The following NRXN3 variants were observed in gnomAD, a reference collection of about 807,000 sequenced individuals.
NRXN3 encodes the protein neurexin 3.
A neutral mutation model predicts 137.6 loss-of-function variants in NRXN3; 32 were observed. The observed-to-expected ratio is 0.23, with a 90% confidence interval of 0.18 to 0.31. NRXN3 has a LOEUF of 0.31. Among genes scored for constraint, NRXN3 ranks in the 10% least tolerant of loss-of-function variants. NRXN3 has a pLI of 1.00. For synonymous variants in NRXN3, 798 were observed against 784.5 expected, an observed-to-expected ratio of 1.02 and a Z score of -0.29; for missense variants, 1,574 against 2,062.5, an observed-to-expected ratio of 0.76 and a Z score of 4.59.
intron 15 of NRXN3, among the ~76,000 whole-genome samples, chr14:79,223,119 G>T (rs2153233754): frequency 6.6e-6 from 1 of 152,124 alleles, no homozygotes; most frequent in African/African-American, 2.4e-5. Context: ...GACCTGCACT[G>T]ACTTCCTCTT....
chr14:78,397,249 C>G (rs148203037), intron 4 of NRXN3, among the ~76,000 whole-genome samples: 3 of 152,254 alleles, frequency 2.0e-5, no homozygotes, highest in Non-Finnish European at 2.9e-5. Flanking sequence ...TCTTTAAGTA[C>G]TTTTCAGCCA....
intron 15 of NRXN3, among the ~76,000 whole-genome samples, chr14:79,342,213 G>A (rs2092643788): frequency 6.6e-6 from 1 of 152,096 alleles, no homozygotes; most frequent in Admixed American, 6.6e-5. Flanking sequence ...TTATTCTATG[G>A]TGCAGAGAGA....
At chr14:78,400,503 C>T (rs188277136) in intron 4 of NRXN3, among the ~76,000 whole-genome samples, 11 of 152,110 alleles carry the variant, frequency 7.2e-5, no homozygotes, top group African/African-American at 2.4e-4. Context: ...CATCGGATTG[C>T]GGATATTTCT....
chr14:78,366,146 A>T (rs1420821985), intron 4 of NRXN3, among the ~76,000 whole-genome samples: 1 of 152,200 alleles, frequency 6.6e-6, no homozygotes, highest in East Asian at 1.9e-4. Context: ...AAGAGATTAA[A>T]CATAAAGTAC....
intron 10 of NRXN3, among the ~76,000 whole-genome samples, chr14:78,871,874 A>G (rs1037502803): frequency 1.3e-5 from 2 of 152,126 alleles, no homozygotes; most frequent in Admixed American, 6.6e-5. Flanking sequence ...GTTATATATT[A>G]CTGGGTTTTG....
At chr14:79,292,149 G>A (rs1246561199) in intron 15 of NRXN3, among the ~76,000 whole-genome samples, 1 of 152,144 alleles carries the variant, frequency 6.6e-6, no homozygotes, top group Non-Finnish European at 1.5e-5. Context: ...CCCGGATACT[G>A]AAAGCAACTA....
intron 4 of NRXN3, among the ~76,000 whole-genome samples, chr14:78,484,046 A>AGC (rs1440750165): frequency 1.3e-5 from 2 of 151,170 alleles, no homozygotes; most frequent in African/African-American, 4.9e-5. Flanking sequence ...AGAGAGAGAG[A>AGC]GAGCAAAAAA....
intron 16 of NRXN3, among the ~76,000 whole-genome samples, chr14:79,620,611 A>C (rs186707365): frequency 6.6e-6 from 1 of 152,150 alleles, no homozygotes; most frequent in African/African-American, 2.4e-5. Context: ...TTATGCCTGA[A>C]TGAATGGAAA....
chr14:78,332,131 C>A (rs1225446427), intron 4 of NRXN3, among the ~76,000 whole-genome samples: 1 of 151,992 alleles, frequency 6.6e-6, no homozygotes, highest in Non-Finnish European at 1.5e-5. Flanking sequence ...ATAATGAAGA[C>A]CTCATCATGG....
At chr14:78,601,773 C>G (rs1006822271) in intron 4 of NRXN3, among the ~76,000 whole-genome samples, 1 of 152,096 alleles carries the variant, frequency 6.6e-6, no homozygotes, top group Non-Finnish European at 1.5e-5. Context: ...TGAAAATGAA[C>G]TCTTTTTGGC....
At chr14:79,561,601 T>C (rs561792190) in intron 16 of NRXN3, among the ~76,000 whole-genome samples, 1 of 152,290 alleles carries the variant, frequency 6.6e-6, no homozygotes, top group East Asian at 1.9e-4. Context: ...ATTACTGTTA[T>C]TTTGCTAGTA....
At chr14:79,381,253 A>G (rs1468307456) in intron 15 of NRXN3, among the ~76,000 whole-genome samples, 1 of 151,584 alleles carries the variant, frequency 6.6e-6, no homozygotes, top group Non-Finnish European at 1.5e-5. Context: ...AGAATTCTTA[A>G]TATGATATGG....
At chr14:78,938,912 T>C (rs907866773) in intron 10 of NRXN3, among the ~76,000 whole-genome samples, 5 of 149,616 alleles carry the variant, frequency 3.3e-5, no homozygotes, top group Admixed American at 1.3e-4. Flanking sequence ...TGGCGCAATC[T>C]CGGCTCACTG....
chr14:79,769,758 C>T (rs4603485), intron 19 of NRXN3, among the ~76,000 whole-genome samples: 9 of 151,848 alleles, frequency 5.9e-5, no homozygotes, highest in Non-Finnish European at 1.2e-4. Flanking sequence ...GACAGGATCA[C>T]ATTCACACAT....
At chr14:79,760,405 G>A (rs2099034273) in intron 19 of NRXN3, among the ~76,000 whole-genome samples, 1 of 148,720 alleles carries the variant, frequency 6.7e-6, no homozygotes, top group Non-Finnish European at 1.5e-5. Flanking sequence ...TAGAGTGTAA[G>A]TAGGGATAAC....
At chr14:79,152,392 A>G (rs1007398518) in intron 15 of NRXN3, among the ~76,000 whole-genome samples, 6 of 152,024 alleles carry the variant, frequency 3.9e-5, no homozygotes, top group Non-Finnish European at 8.8e-5. Flanking sequence ...ATTGGCTTGG[A>G]GTTACTGGCA....
At chr14:78,953,520 AT>A (rs2099390931) in intron 10 of NRXN3, among the ~76,000 whole-genome samples, 2 of 152,340 alleles carry the variant, frequency 1.3e-5, no homozygotes, top group East Asian at 3.9e-4. Context: ...TTGTGTGAGC[AT>A]TTGGGTGGTA....
At position 78,194,354 on chromosome 14, in the gene NRXN3, T is replaced by C. The variant is rs149608286; in HGVS notation, c.-704+23680T>C. Among the ~76,000 whole-genome samples the C allele has an allele frequency of 5.9e-5, 9 of 152,316 alleles. No individual in the cohort carries two copies. In the East Asian group the frequency reaches 1.5e-3, roughly 26 times the overall value. On this transcript the variant is annotated intron_variant, in intron 1 of 20. Coordinates refer to ENST00000335750, the MANE Select transcript of NRXN3 (RefSeq NM_001330195.2). ...TCAGGGCAGTAAGCTCTGGTGAACA[T>C]CTTGAGGTTAAACTCAACCCATTGC...
At chr14:79,467,114 G>A (rs886894617) in intron 15 of NRXN3, 107 bp from the exon 16 acceptor site, 12 of 1,095,376 alleles carry the variant, frequency 1.1e-5, no homozygotes, top group African/African-American at 1.6e-5. Context: ...GTCCCATGGG[G>A]GACATTTCCT....
Sources: gnomAD v4.1 joint callset for allele counts (sites outside exome capture counted in the v4.1 genomes callset) on GRCh38, gnomAD v4.1.1 for gene constraint, MANE v1.5 for transcripts, NCBI Gene and HGNC (gene_info 2026-07-23, HGNC 2026-07-21) for gene names.